Variants in ZNF429 observed in about 807,000 individuals in gnomAD.
The protein encoded by ZNF429 is zinc finger protein 429.
ZNF429 carries 53 observed loss-of-function variants against 56.8 expected under a neutral mutation model. That is an observed-to-expected ratio of 0.93 (90% CI 0.75 to 1.17). ZNF429 has a LOEUF of 1.17. ZNF429 is among the 50% of genes most tolerant of loss of function. The pLI is 0.00. For missense variants in ZNF429, 849 were observed against 788.4 expected (o/e 1.08, Z -0.92); for synonymous variants, 278 against 264.7 (o/e 1.05, Z -0.49).
At chr19:21,520,617 GTT>G (rs2032955050) in intron 1 of ZNF429, among the ~76,000 whole-genome samples, 1 of 152,026 alleles carries the variant, frequency 6.6e-6, no homozygotes, top group Non-Finnish European at 1.5e-5. Flanking sequence ...ACACAGAGTT[GTT>G]TAGATTAAAG....
chr19:21,520,060 T>A lies in ZNF429; in HGVS notation c.4-9598T>A, dbSNP rs759324040. Among the ~76,000 whole-genome samples, 258 of 152,216 alleles carry A rather than the reference T, an allele frequency of 1.7e-3. 1 individual carries two copies. Among genetic ancestry groups the A allele is most frequent in the Non-Finnish European group, 2.4e-3 (165 of 68,012 alleles). Reference sequence around the variant, plus strand: ...TTTTAGTAGAGATGAAGTTTCACCATCTTGGCCAGGCTGGTCTCAAACTCC... The same window carrying A: ...TTTTAGTAGAGATGAAGTTTCACCAACTTGGCCAGGCTGGTCTCAAACTCC... On this transcript the variant is annotated intron_variant, in intron 1 of 3. Transcript: ENST00000358491.
At chr19:21,515,888 G>T (rs2032714277) in intron 1 of ZNF429, among the ~76,000 whole-genome samples, 1 of 152,040 alleles carries the variant, frequency 6.6e-6, no homozygotes, top group South Asian at 2.1e-4. Flanking sequence ...ATATCAGATG[G>T]TCGTAGGTGT....
intron 1 of ZNF429, among the ~76,000 whole-genome samples, chr19:21,515,858 C>T (rs1276424352): frequency 2.6e-5 from 4 of 152,036 alleles, no homozygotes; most frequent in African/African-American, 9.7e-5. Flanking sequence ...TTCTTACGTT[C>T]CTCTTGTCAG....
In ZNF429 at chr19:21,519,492, CAT is replaced by C. The variant is rs1407359565; in HGVS notation, c.4-10163_4-10162del. Reference sequence around the variant, plus strand: ...GCCATCTGGGCCACATAGTAAGAGTCATATGTAAGTCTGAGTTATAAACCTGT... The same window carrying C: ...GCCATCTGGGCCACATAGTAAGAGTCATGTAAGTCTGAGTTATAAACCTGT... On this transcript the variant is annotated intron_variant, in intron 1 of 3. Coordinates refer to ENST00000358491, the MANE Select transcript of ZNF429 (RefSeq NM_001001415.4). Among the ~76,000 whole-genome samples the C allele has an allele frequency of 2.4e-4, 36 of 152,300 alleles. 1 individual carries two copies. Among genetic ancestry groups the C allele is most frequent in the Admixed American group, 2.3e-3 (35 of 15,296 alleles).
rs1298573766 is a variant in ZNF429 at position 21,540,068 on chromosome 19, T to C, written c.*1990T>C. On this transcript the variant is annotated 3_prime_UTR_variant, in exon 4 of 4. Transcript: ENST00000358491. ...AATATTTTTTAGTTAAAAGTGAATTTATAATAAAATTGTAAATCATTTTAG... is the reference window on the plus strand; with the variant it reads ...AATATTTTTTAGTTAAAAGTGAATTCATAATAAAATTGTAAATCATTTTAG... Among the ~76,000 whole-genome samples, 1 of 152,214 alleles carries C rather than the reference T, an allele frequency of 6.6e-6. No homozygotes were observed. Among genetic ancestry groups the C allele is most frequent in the Non-Finnish European group, 1.5e-5 (1 of 68,034 alleles).
chr19:21,505,654 A>C lies in ZNF429; in HGVS notation c.-118A>C, dbSNP rs1472149279. ...TGGCTCTTGCTGCAGCCAGAGCTCC[A>C]GGTCTCGTCTTCATTTCTGTGTCCT... is the stretch of plus-strand genomic sequence containing the variant. On this transcript the variant is annotated 5_prime_UTR_variant, in exon 1 of 4. Transcript: ENST00000358491. 9.1e-7 allele frequency: 1 copy of C among 1,104,106 alleles called. No homozygotes were observed. The highest frequency in any genetic ancestry group is 1.6e-5 in the African/African-American group (1 of 62,798). The allele number at this position is 1,104,106 out of a possible 1,614,324, so 68.4% of individuals were successfully genotyped here. A position where few individuals can be genotyped will look rare whatever the true frequency, so the allele number is the denominator to read the frequency against.
Position 21,536,359 on chromosome 19 carries a change from A to T in ZNF429, c.306A>T (p.Arg102Ser). ...CTTTCCAAAAAGTGACACTGAGGAGATATGATAAACGTGGACATGAGAACT... is the reference window on the plus strand; with the variant it reads ...CTTTCCAAAAAGTGACACTGAGGAGTTATGATAAACGTGGACATGAGAACT... Reference protein sequence around the residue: ...KDSFQKVTLRRYDKRGHENLQ... With the variant: ...KDSFQKVTLRSYDKRGHENLQ... The change falls in exon 4 of 4, where the codon AGA becomes AGT. Residue 102 changes from arginine to serine, a missense_variant. Physicochemically the swap from Arg to Ser is moderately radical, Grantham distance 110 (BLOSUM62 -1). Transcript: ENST00000358491. 1.2e-6 allele frequency: 2 copies of T among 1,613,704 alleles called. No individual in the cohort carries two copies. The highest frequency in any genetic ancestry group is 2.2e-5 in the South Asian group (2 of 91,046).
chr19:21,535,412 T>TTTCTTTCTTTC, intron 3 of ZNF429, among the ~76,000 whole-genome samples: 1 of 55,358 alleles, frequency 1.8e-5, no homozygotes, highest in Non-Finnish European at 3.3e-5. Flanking sequence ...TTTCTTTTTC[T>TTTCTTTCTTTC]TTTCTTTCTT....
chr19:21,522,403 G>T (rs1173314015), intron 1 of ZNF429, among the ~76,000 whole-genome samples: 1 of 152,196 alleles, frequency 6.6e-6, no homozygotes, highest in Non-Finnish European at 1.5e-5. Flanking sequence ...TGTGGTGCAT[G>T]TCACATTCTG....
Position 21,537,515 on chromosome 19 carries a change from A to G in ZNF429, c.1462A>G (p.Lys488Glu), listed in dbSNP as rs2033748987. 1 of 1,613,754 alleles carries G rather than the reference A, an allele frequency of 6.2e-7. No homozygotes were observed. Among genetic ancestry groups the G allele is most frequent in the African/African-American group, 1.3e-5 (1 of 74,942 alleles). ...ACCCTACAAATGTGAAGAATGTGGC[A>G]AAGCCTTTAAGCAGTCCTCAAACCT... The part of the protein sequence containing the change: ...EKPYKCEECG[K>E]AFKQSSNLNS... Residue 488 changes from lysine (K) to glutamate (E), a missense_variant, in exon 4 of 4, where the codon AAA (lysine) becomes GAA (glutamate). By Grantham distance (56) the Lys-to-Glu change is moderately conservative (BLOSUM62 1). Coordinates refer to ENST00000358491, the MANE Select transcript of ZNF429 (RefSeq NM_001001415.4).
At chr19:21,531,874 A>C in intron 3 of ZNF429, among the ~76,000 whole-genome samples, 1 of 152,124 alleles carries the variant, frequency 6.6e-6, no homozygotes, top group Non-Finnish European at 1.5e-5. Flanking sequence ...TAGATTATGT[A>C]ATCTGACATT....
At chr19:21,522,387 A>G (rs2033014034) in intron 1 of ZNF429, among the ~76,000 whole-genome samples, 1 of 152,200 alleles carries the variant, frequency 6.6e-6, no homozygotes, top group African/African-American at 2.4e-5. Context: ...TCTTAAGCAA[A>G]TTGACTGTGG....
chr19:21,529,401 A>G, intron 1 of ZNF429: 1 of 627,718 alleles, frequency 1.6e-6, no homozygotes, highest in Non-Finnish European at 2.0e-6. Context: ...ATACTTTATC[A>G]CTTAGAAAAA....
rs34024668 is a variant in ZNF429 at position 21,539,111 on chromosome 19, CAT to C, written c.*1038_*1039del. On this transcript the variant is annotated 3_prime_UTR_variant, in exon 4 of 4. Coordinates refer to ENST00000358491, the MANE Select transcript of ZNF429 (RefSeq NM_001001415.4). ...GGAAACAATGGAGAGTTTATATTAA[CAT>C]ATATTTTTGCATATGGCCATATGTA... Among the ~76,000 whole-genome samples, 27,688 of 151,852 alleles carry C rather than the reference CAT, an allele frequency of 0.18. 2,539 individuals are homozygous for C. The highest frequency in any genetic ancestry group is 0.21 in the Middle Eastern group (61 of 294).
At chr19:21,533,924 T>A in intron 3 of ZNF429, among the ~76,000 whole-genome samples, 2 of 152,296 alleles carry the variant, frequency 1.3e-5, no homozygotes, top group East Asian at 3.9e-4. Context: ...TTTTCTCTGT[T>A]GTGTGCTCAT....
chr19:21,529,415 C>T (rs2033289347), intron 1 of ZNF429: 1 of 749,078 alleles, frequency 1.3e-6, no homozygotes, highest in South Asian at 5.9e-5. Context: ...AGAAAAATGT[C>T]ATGTGTACAC....
At chr19:21,530,879 G>T in intron 3 of ZNF429, among the ~76,000 whole-genome samples, 195 bp downstream of exon 3, 1 of 152,094 alleles carries the variant, frequency 6.6e-6, no homozygotes, top group African/African-American at 2.4e-5. Context: ...GCTGAGGTGG[G>T]CGGATCACCT....
intron 3 of ZNF429, among the ~76,000 whole-genome samples, chr19:21,534,676 C>T: frequency 6.6e-6 from 1 of 152,096 alleles, no homozygotes; most frequent in Non-Finnish European, 1.5e-5. Flanking sequence ...AGCCAATATT[C>T]CTAAATTTAG....
intron 1 of ZNF429, among the ~76,000 whole-genome samples, chr19:21,507,199 G>T (rs1002940208): frequency 3.9e-5 from 6 of 152,078 alleles, no homozygotes; most frequent in Non-Finnish European, 8.8e-5. Context: ...TCCTAAGCAG[G>T]GTCTCAAATC....
Sources: allele counts gnomAD v4.1 joint callset (sites outside exome capture counted in the v4.1 genomes callset), GRCh38; gene constraint gnomAD v4.1.1; transcripts MANE v1.5; gene names NCBI Gene and HGNC (gene_info 2026-07-23, HGNC 2026-07-21).